Variants in TBK1 observed in about 807,000 individuals in gnomAD.
The protein encoded by TBK1 is serine/threonine-protein kinase TBK1.
Under a neutral mutation model 99.9 loss-of-function variants are expected in TBK1, and 37 were observed. The ratio of observed to expected loss-of-function variants is 0.37; its 90% CI spans 0.28 to 0.49. TBK1 has a LOEUF of 0.49. Among genes scored for constraint, TBK1 ranks in the 20% least tolerant of loss-of-function variants. The pLI is 0.98. For synonymous variants in TBK1, 258 were observed against 279.8 expected (o/e 0.92, Z 0.78); for missense variants, 644 against 872.5 (o/e 0.74, Z 3.30).
intron 5 of TBK1, among the ~76,000 whole-genome samples, chr12:64,467,377 A>G (rs1216004417): frequency 4.6e-5 from 7 of 152,168 alleles, no homozygotes; most frequent in Admixed American, 3.9e-4. Flanking sequence ...GCATATTACA[A>G]GCTTGTTATA....
chr12:64,488,597 A>G lies in TBK1; in HGVS notation c.1442+9A>G. On this transcript the variant is annotated intron_variant, in intron 12 of 20. Transcript: ENST00000331710. Reference sequence around the variant, plus strand: ...GAAAAAACTGTGAAAGTGTGAGTAGACTACTTCCTTACTAGTAGGGGTTAA... The same window carrying G: ...GAAAAAACTGTGAAAGTGTGAGTAGGCTACTTCCTTACTAGTAGGGGTTAA... 1.3e-6 allele frequency: 2 copies of G among 1,543,660 alleles called. No homozygotes were observed. Among genetic ancestry groups the G allele is most frequent in the Non-Finnish European group, 1.8e-6 (2 of 1,129,714 alleles).
chr12:64,454,468 C>T (rs2040462729), intron 1 of TBK1, among the ~76,000 whole-genome samples: 1 of 151,744 alleles, frequency 6.6e-6, no homozygotes, highest in South Asian at 2.1e-4. Context: ...AGGCTGGTCT[C>T]GAACTCCTGA....
At position 64,474,216 on chromosome 12, in the gene TBK1, T is replaced by C. The variant is rs2040690345; in HGVS notation, c.541-14T>C. On this transcript the variant is annotated splice_polypyrimidine_tract_variant and intron_variant, in intron 5 of 20. Coordinates refer to ENST00000331710, the MANE Select transcript of TBK1 (RefSeq NM_013254.4). Reference sequence around the variant, plus strand: ...CACAGGTTCATGATTTTTTTCTTTTTTTTTTAATCTTAGCACCCTGATATG... The same window carrying C: ...CACAGGTTCATGATTTTTTTCTTTTCTTTTTAATCTTAGCACCCTGATATG... The C allele has an allele frequency of 6.3e-7, 1 of 1,591,762 alleles. No homozygotes were observed.
chr12:64,488,292 G>C (rs900980559), intron 11 of TBK1, among the ~76,000 whole-genome samples, 195 bp from the exon 12 acceptor site: 1 of 152,138 alleles, frequency 6.6e-6, no homozygotes, highest in African/African-American at 2.4e-5. Flanking sequence ...GTAATGGTTT[G>C]TGAAAATATG....
Position 64,483,532 on chromosome 12 carries a change from AC to A in TBK1, c.993-770del, listed in dbSNP as rs1481217754. 3.3e-5 allele frequency among the ~76,000 whole-genome samples: 5 copies of A among 152,308 alleles called. No individual in the cohort carries two copies. In the East Asian group the frequency reaches 9.7e-4, roughly 29 times the overall value. On this transcript the variant is annotated intron_variant, in intron 8 of 20. Transcript: ENST00000331710. ...ATATTTAAGCCATTTAATCCTCACA[AC>A]AATTCTGTGAAGTGGGTACTGTTAT...
In TBK1 at chr12:64,474,370, T is replaced by A. The variant is rs753836268; in HGVS notation, c.681T>A (p.Pro227=). The part of the protein sequence containing the change: ...GSLPFRPFEG[P]RRNKEVMYKI... ...TGCCATTTAGACCCTTTGAAGGGCC[T>A]CGTAGGAATAAAGAAGTGATGTAAG... The change falls in exon 6 of 21, where the codon CCT becomes CCA. Residue 227 remains proline, a synonymous_variant. Coordinates refer to ENST00000331710, the MANE Select transcript of TBK1 (RefSeq NM_013254.4). 6.2e-7 allele frequency: 1 copy of A among 1,612,100 alleles called. No homozygotes were observed. Among genetic ancestry groups the A allele is most frequent in the South Asian group, 1.1e-5 (1 of 90,298 alleles).
chr12:64,460,221 T>C lies in TBK1; in HGVS notation c.120T>C (p.Phe40=). The C allele has an allele frequency of 6.4e-7, 1 of 1,554,836 alleles. No homozygotes were observed. Among genetic ancestry groups the C allele is most frequent in the Non-Finnish European group, 8.7e-7 (1 of 1,148,372 alleles). ...GTGATTTATTTGCTATCAAAGTATT[T>C]AATAACATAAGCTTCCTTCGTCCAG... is the stretch of plus-strand genomic sequence containing the variant. ...KTGDLFAIKV[F]NNISFLRPVD... The change falls in exon 3 of 21, where the codon TTT becomes TTC. Residue 40 remains phenylalanine (F), a synonymous_variant. Transcript: ENST00000331710.
At chr12:64,474,471 A>T in intron 6 of TBK1, 81 bp downstream of exon 6, 2 of 1,335,560 alleles carry the variant, frequency 1.5e-6, no homozygotes, top group Admixed American at 4.6e-5. Flanking sequence ...TTAGTGGTTT[A>T]TGCTAATAAA....
At chr12:64,455,803 C>A in intron 1 of TBK1, 37 bp from the exon 2 acceptor site, 1 of 1,131,106 alleles carries the variant, frequency 8.8e-7, no homozygotes, top group Non-Finnish European at 1.3e-6. Flanking sequence ...TGTGTTACTC[C>A]CTTAAAACAT....
intron 11 of TBK1, among the ~76,000 whole-genome samples, chr12:64,487,863 T>C (rs555427148): frequency 2.0e-4 from 30 of 151,962 alleles, no homozygotes; most frequent in African/African-American, 7.0e-4. Context: ...TCAAAAGCCC[T>C]TCAATTATAT....
chr12:64,492,157 A>G (rs1002741650), intron 13 of TBK1, among the ~76,000 whole-genome samples: 1 of 152,232 alleles, frequency 6.6e-6, no homozygotes, highest in Non-Finnish European at 1.5e-5. Flanking sequence ...ACCTTAGAAC[A>G]TGATTTACCT....
Position 64,466,970 on chromosome 12 carries a change from G to A in TBK1, c.428G>A (p.Arg143His), listed in dbSNP as rs761359000. 8.7e-6 allele frequency: 14 copies of A among 1,612,958 alleles called. No homozygotes were observed. Among genetic ancestry groups the A allele is most frequent in the Admixed American group, 5.0e-5 (3 of 59,844 alleles). The stretch of plus-strand genomic sequence containing the variant: ...GATATCAAGCCAGGAAATATCATGC[G>A]TGTTATAGGGGAAGATGGACAGTCT... ...HRDIKPGNIM[R>H]VIGEDGQSVY... Residue 143 changes from arginine to histidine, a missense_variant, in exon 5 of 21, where the codon CGT becomes CAT. Transcript: ENST00000331710.
intron 15 of TBK1, 146 bp downstream of exon 15, chr12:64,495,921 TG>T: frequency 3.4e-6 from 2 of 587,550 alleles, no homozygotes; most frequent in South Asian, 3.0e-5. Context: ...AAAGGTTGAT[TG>T]TGTTAAAAAA....
At position 64,485,472 on chromosome 12, in the gene TBK1, C is replaced by A; in HGVS notation, c.1207C>A (p.His403Asn). The change falls in exon 10 of 21, where the codon CAT becomes AAT. Residue 403 changes from histidine (H) to asparagine (N), a missense_variant. Physicochemically the swap from His to Asn is moderately conservative, Grantham distance 68. Coordinates refer to ENST00000331710, the MANE Select transcript of TBK1 (RefSeq NM_013254.4). ...TATTTCAGTTTCCCTCCCTAAAGTA[C>A]ATCCACGTTATGATTTAGACGGGGA... ...IYEKISLPKV[H>N]PRYDLDGDAS... 2 of 1,562,030 alleles carry A rather than the reference C, an allele frequency of 1.3e-6. No homozygotes were observed. The highest frequency in any genetic ancestry group is 1.7e-6 in the Non-Finnish European group (2 of 1,145,008).
At chr12:64,456,152 A>C (rs1402370032) in intron 2 of TBK1, among the ~76,000 whole-genome samples, 195 bp downstream of exon 2, 1 of 152,196 alleles carries the variant, frequency 6.6e-6, no homozygotes, top group Non-Finnish European at 1.5e-5. Context: ...GGCACAGGTT[A>C]AGTGTTAGTG....
At chr12:64,498,847 T>G (rs2136089831) in intron 20 of TBK1, among the ~76,000 whole-genome samples, 1 of 150,934 alleles carries the variant, frequency 6.6e-6, no homozygotes, top group East Asian at 2.0e-4. Flanking sequence ...TCCCAGCTAC[T>G]GGGGAGGCTG....
chr12:64,488,407 G>A, intron 11 of TBK1, 80 bp from the exon 12 acceptor site: 1 of 714,948 alleles, frequency 1.4e-6, no homozygotes, highest in Middle Eastern at 4.0e-4. Context: ...TTTTTGAACT[G>A]TAGTACTGCA....
chr12:64,474,134 C>T, intron 5 of TBK1, 96 bp from the exon 6 acceptor site: 1 of 1,206,438 alleles, frequency 8.3e-7, no homozygotes, highest in Non-Finnish European at 1.1e-6. Flanking sequence ...ATTAGGAAAA[C>T]AAAATAGAAT....
chr12:64,486,620 T>G, intron 11 of TBK1, among the ~76,000 whole-genome samples: 1 of 150,898 alleles, frequency 6.6e-6, no homozygotes, highest in South Asian at 2.1e-4. Flanking sequence ...TTTTTAGTGA[T>G]GGGGGGTCTA....
Sources: allele counts gnomAD v4.1 joint callset (sites outside exome capture counted in the v4.1 genomes callset), GRCh38; gene constraint gnomAD v4.1.1; transcripts MANE v1.5; gene names NCBI Gene and HGNC (gene_info 2026-07-23, HGNC 2026-07-21).